RNF216: variants seen among roughly 807,000 people sequenced by gnomAD.
RNF216 encodes the protein ring finger protein 216, also known as E3 ubiquitin-protein ligase RNF216.
In RNF216, 72 loss-of-function variants were observed where a neutral mutation model predicts 110.8. The observed-to-expected ratio is 0.65, with a 90% confidence interval of 0.54 to 0.79. The LOEUF is 0.79. Among genes scored for constraint, RNF216 ranks in the 30% least tolerant of loss-of-function variants. RNF216 has a pLI of 0.00. For missense variants in RNF216, 1,342 were observed against 1,141.2 expected, an observed-to-expected ratio of 1.18 and a Z score of -2.54; for synonymous variants, 495 against 407.5, an observed-to-expected ratio of 1.21 and a Z score of -2.59.
At chr7:5,698,978 C>T (rs151207649) in intron 13 of RNF216, among the ~76,000 whole-genome samples, 527 of 152,244 alleles carry the variant, frequency 3.5e-3, no homozygotes, top group African/African-American at 0.012. Flanking sequence ...GCAAAGCAAA[C>T]CAAAACAATG....
At chr7:5,674,865 C>T (rs11977751) in intron 13 of RNF216, among the ~76,000 whole-genome samples, 2,312 of 152,020 alleles carry the variant, frequency 0.015, 51 homozygotes, top group African/African-American at 0.052. Context: ...GGCATAGTGG[C>T]ACGCACCTGT....
At chr7:5,774,099 G>T (rs1562483414) in intron 1 of RNF216, among the ~76,000 whole-genome samples, 1 of 152,206 alleles carries the variant, frequency 6.6e-6, no homozygotes, top group Middle Eastern at 3.2e-3. Flanking sequence ...TTAACTAAAT[G>T]TAAGTCTCTG....
intron 13 of RNF216, among the ~76,000 whole-genome samples, chr7:5,686,859 G>A (rs1791020048): frequency 6.6e-6 from 1 of 152,184 alleles, no homozygotes; most frequent in South Asian, 2.1e-4. Flanking sequence ...TCCCTTGCAT[G>A]AGCAGTTCAC....
chr7:5,723,103 C>T (rs1253720928), intron 8 of RNF216, among the ~76,000 whole-genome samples: 4 of 152,096 alleles, frequency 2.6e-5, no homozygotes, highest in Admixed American at 2.0e-4. Flanking sequence ...CTGTGCTTCA[C>T]TTTTTTTCTA....
intron 9 of RNF216, among the ~76,000 whole-genome samples, chr7:5,720,816 T>C (rs1793372493): frequency 6.6e-6 from 1 of 152,144 alleles, no homozygotes. Context: ...TACACTAAGC[T>C]CCAATTAAAA....
At chr7:5,702,092 G>A (rs1191395086) in intron 13 of RNF216, among the ~76,000 whole-genome samples, 2 of 152,182 alleles carry the variant, frequency 1.3e-5, no homozygotes, top group Non-Finnish European at 2.9e-5. Flanking sequence ...CGGAGCCCAC[G>A]CTGACTCTAG....
chr7:5,744,739 G>C (rs980962596), intron 3 of RNF216, among the ~76,000 whole-genome samples: 1 of 152,182 alleles, frequency 6.6e-6, no homozygotes, highest in South Asian at 2.1e-4. Flanking sequence ...TTGGGAGCCT[G>C]AGGCAGATGG....
rs1171522269 is a variant in RNF216, at chr7:5,687,447, A to AG, written c.2061+24313dup. Among the ~76,000 whole-genome samples, 3 of 152,144 alleles carry AG rather than the reference A, an allele frequency of 2.0e-5. No homozygotes were observed. In the East Asian group the frequency reaches 5.8e-4, roughly 29 times the overall value. ...AAAAGAAAAGAAAGAAAAGAAATTA[A>AG]GGGGACATGATGTGGGATTTTCAGA... On this transcript the variant is annotated intron_variant, in intron 13 of 16. Coordinates refer to ENST00000389902, the MANE Select transcript of RNF216 (RefSeq NM_207111.4).
At chr7:5,739,975 C>T (rs1163217550) in intron 4 of RNF216, among the ~76,000 whole-genome samples, 1 of 150,004 alleles carries the variant, frequency 6.7e-6, no homozygotes, top group Non-Finnish European at 1.5e-5. Flanking sequence ...TGTACCCCAG[C>T]CTGGGTGACA....
Position 5,741,089 on chromosome 7 carries a change from C to A in RNF216, c.928G>T (p.Glu310Ter). Residue 310 changes from glutamate to a stop codon, truncating the protein, a stop_gained, in exon 4 of 17, where the codon GAG becomes TAG. Transcript: ENST00000389902. LOFTEE classifies it high-confidence loss of function. ...EDQQLASDDE[E>*]PGPAFPMQES... ...TGCATTGGAAAGGCTGGACCTGGCTCTTCATCATCACTTGCTAACTGCTGG... is the reference window on the plus strand; with the variant it reads ...TGCATTGGAAAGGCTGGACCTGGCTATTCATCATCACTTGCTAACTGCTGG... 1 of 1,614,126 alleles carries A rather than the reference C, an allele frequency of 6.2e-7. No homozygotes were observed. The highest frequency in any genetic ancestry group is 8.5e-7 in the Non-Finnish European group (1 of 1,180,040).
At chr7:5,773,367 A>C (rs1562482704) in intron 1 of RNF216, among the ~76,000 whole-genome samples, 1 of 144,532 alleles carries the variant, frequency 6.9e-6, no homozygotes, top group South Asian at 2.2e-4. Context: ...CTCAACCTCC[A>C]GAATAGCTGG....
intron 15 of RNF216, among the ~76,000 whole-genome samples, chr7:5,638,518 C>T (rs796411309): frequency 4.6e-5 from 7 of 152,244 alleles, no homozygotes; most frequent in African/African-American, 1.7e-4. Context: ...CAGATGCCAA[C>T]AAATCTGAAA....
chr7:5,714,290 C>T (rs1562420971), intron 11 of RNF216, among the ~76,000 whole-genome samples: 1 of 151,730 alleles, frequency 6.6e-6, no homozygotes, highest in Non-Finnish European at 1.5e-5. Context: ...TGGAGTTTCA[C>T]TCTTGTTGCC....
intron 9 of RNF216, among the ~76,000 whole-genome samples, chr7:5,720,415 G>C (rs1010359127): frequency 4.6e-5 from 7 of 152,138 alleles, no homozygotes; most frequent in African/African-American, 1.4e-4. Flanking sequence ...TAAGAATACA[G>C]CATGTAATAC....
intron 13 of RNF216, among the ~76,000 whole-genome samples, chr7:5,654,742 G>C (rs6973858): frequency 0.014 from 2,090 of 148,948 alleles, 48 homozygotes; most frequent in African/African-American, 0.049. Context: ...GGGTGGGTGG[G>C]GCAGAGAGGA....
At chr7:5,756,911 C>CA (rs1795673093) in intron 2 of RNF216, among the ~76,000 whole-genome samples, 1 of 152,212 alleles carries the variant, frequency 6.6e-6, no homozygotes, top group Non-Finnish European at 1.5e-5. Flanking sequence ...GCTGGCATTA[C>CA]AAGCATGAGC....
intron 1 of RNF216, among the ~76,000 whole-genome samples, chr7:5,772,685 A>G (rs1307627069): frequency 6.6e-6 from 1 of 152,178 alleles, no homozygotes; most frequent in African/African-American, 2.4e-5. Context: ...GTGAAGTTAT[A>G]GATACTATCA....
At chr7:5,734,991 A>G (rs1356666156) in intron 5 of RNF216, among the ~76,000 whole-genome samples, 1 of 151,790 alleles carries the variant, frequency 6.6e-6, no homozygotes, top group Admixed American at 6.6e-5. Flanking sequence ...TCTCTACTAA[A>G]AATACAAAAA....
intron 15 of RNF216, 107 bp downstream of exon 15, chr7:5,641,047 A>G (rs1171901534): frequency 3.3e-5 from 29 of 881,814 alleles, no homozygotes; most frequent in Admixed American, 1.1e-4. Flanking sequence ...AATTTCCTAT[A>G]TTCTTCTCCT....
Sources: allele counts gnomAD v4.1 joint callset (sites outside exome capture counted in the v4.1 genomes callset), GRCh38; gene constraint gnomAD v4.1.1; transcripts MANE v1.5; gene names NCBI Gene and HGNC (gene_info 2026-07-23, HGNC 2026-07-21).